Variants in PRKAR1B observed in about 807,000 individuals in gnomAD.
PRKAR1B encodes protein kinase cAMP-dependent type I regulatory subunit beta, also known as cAMP-dependent protein kinase type I-beta regulatory subunit.
PRKAR1B carries 22 observed loss-of-function variants against 46.5 expected under a neutral mutation model. That is an observed-to-expected ratio of 0.47 (90% CI 0.34 to 0.68). The LOEUF is 0.68. PRKAR1B is among the 30% of genes least tolerant of loss of function. The pLI is 0.01. For synonymous variants in PRKAR1B, 259 were observed against 217.7 expected (o/e 1.19, Z -1.67); for missense variants, 445 against 535.6 (o/e 0.83, Z 1.67).
intron 4 of PRKAR1B, among the ~76,000 whole-genome samples, chr7:642,704 G>T (rs1021209474): frequency 2.0e-5 from 3 of 149,054 alleles, no homozygotes; most frequent in African/African-American, 7.5e-5. Flanking sequence ...CTGCACTCCA[G>T]CCTGGGCGAC....
At chr7:683,833 C>T (rs958618101) in intron 2 of PRKAR1B, among the ~76,000 whole-genome samples, 1 of 152,248 alleles carries the variant, frequency 6.6e-6, no homozygotes, top group Non-Finnish European at 1.5e-5. Context: ...ATCCCACCCG[C>T]TCCTCACCCA....
intron 6 of PRKAR1B, among the ~76,000 whole-genome samples, chr7:600,472 G>A (rs1021190491): frequency 6.6e-5 from 10 of 152,214 alleles, no homozygotes; most frequent in Admixed American, 2.6e-4. Flanking sequence ...CAGCCTGGGC[G>A]ACAGAGCGAG....
intron 4 of PRKAR1B, among the ~76,000 whole-genome samples, chr7:622,652 G>A (rs560319821): frequency 6.6e-6 from 1 of 152,154 alleles, no homozygotes; most frequent in Non-Finnish European, 1.5e-5. Context: ...TGATGTCAAA[G>A]AGCAGAACAC....
intron 2 of PRKAR1B, among the ~76,000 whole-genome samples, chr7:690,302 A>C (rs929250501): frequency 6.6e-6 from 1 of 151,560 alleles, no homozygotes; most frequent in African/African-American, 2.4e-5. Context: ...TCTCAAAAAA[A>C]AAAAGAGCTG....
intron 9 of PRKAR1B, among the ~76,000 whole-genome samples, chr7:564,621 A>G (rs1158492250): frequency 1.3e-5 from 2 of 152,190 alleles, no homozygotes; most frequent in East Asian, 3.9e-4. Flanking sequence ...CTCAGCCTGG[A>G]GGGCATTCCT....
chr7:637,763 G>A (rs1036048464), intron 4 of PRKAR1B, among the ~76,000 whole-genome samples: 2 of 152,058 alleles, frequency 1.3e-5, no homozygotes, highest in African/African-American at 4.8e-5. Context: ...TGAACCTGAG[G>A]TGGAGGTTGC....
chr7:616,756 C>G (rs1782843322), intron 4 of PRKAR1B, among the ~76,000 whole-genome samples: 1 of 152,192 alleles, frequency 6.6e-6, no homozygotes, highest in Non-Finnish European at 1.5e-5. Flanking sequence ...CCCGCGGCAT[C>G]GATGTTTTCA....
At chr7:586,618 T>C (rs917537432) in intron 7 of PRKAR1B, among the ~76,000 whole-genome samples, 2 of 152,198 alleles carry the variant, frequency 1.3e-5, no homozygotes, top group African/African-American at 4.8e-5. Context: ...GCTTCCTCCA[T>C]GACCCACAGG....
At chr7:588,134 C>T (rs1780704689) in intron 7 of PRKAR1B, among the ~76,000 whole-genome samples, 1 of 152,222 alleles carries the variant, frequency 6.6e-6, no homozygotes, top group African/African-American at 2.4e-5. Context: ...CACCAAGCTT[C>T]CCACTCACAG....
intron 9 of PRKAR1B, 107 bp from the exon 10 acceptor site, chr7:551,577 A>T: frequency 9.6e-7 from 1 of 1,037,402 alleles, no homozygotes; most frequent in Non-Finnish European, 1.4e-6. Context: ...CCCACCTCCC[A>T]CCCAGGTCCT....
intron 2 of PRKAR1B, among the ~76,000 whole-genome samples, chr7:710,512 G>A (rs73047952): frequency 0.11 from 17,447 of 152,168 alleles, 1,303 homozygotes; most frequent in Middle Eastern, 0.2. Context: ...AGAGAAGACC[G>A]TGAGCAGGCC....
chr7:694,485 G>A (rs1779615578), intron 2 of PRKAR1B, among the ~76,000 whole-genome samples: 1 of 152,094 alleles, frequency 6.6e-6, no homozygotes, highest in Non-Finnish European at 1.5e-5. Flanking sequence ...TTGCCAAGGA[G>A]AGAAGGATGT....
At chr7:628,176 C>T (rs559962676) in intron 4 of PRKAR1B, among the ~76,000 whole-genome samples, 1 of 152,254 alleles carries the variant, frequency 6.6e-6, no homozygotes, top group African/African-American at 2.4e-5. Flanking sequence ...GGGCAGCAAA[C>T]AGGTTTTGCT....
At chr7:628,159 A>AC (rs917958869) in intron 4 of PRKAR1B, among the ~76,000 whole-genome samples, 3 of 152,240 alleles carry the variant, frequency 2.0e-5, no homozygotes, top group African/African-American at 7.2e-5. Context: ...CACATCAGGC[A>AC]CCCCTGGGGC....
At chr7:699,642 A>G (rs1468929605) in intron 2 of PRKAR1B, among the ~76,000 whole-genome samples, 4 of 152,124 alleles carry the variant, frequency 2.6e-5, no homozygotes, top group African/African-American at 9.7e-5. Flanking sequence ...TCTCTGAGGA[A>G]GCAGCCGTGG....
Position 549,852 on chromosome 7 carries a change from G to C in PRKAR1B, c.*578C>G, listed in dbSNP as rs141814354. The C allele has an allele frequency of 6.4e-6, 1 of 155,680 alleles. No individual in the cohort carries two copies. Among genetic ancestry groups the C allele is most frequent in the Non-Finnish European group, 1.4e-5 (1 of 70,014 alleles). The allele number at this position is 155,680 out of a possible 1,614,324, so 9.6% of individuals were successfully genotyped here. A position where few individuals can be genotyped will look rare whatever the true frequency, so the allele number is the denominator to read the frequency against. On this transcript the variant is annotated 3_prime_UTR_variant, in exon 11 of 11. Transcript: ENST00000537384. ...ACAGCTCAGAGACTCTCCCACTCCG[G>C]CATCCGCAGCAGGGCCCCCGGGGGA...
intron 4 of PRKAR1B, among the ~76,000 whole-genome samples, chr7:626,951 T>C (rs1783436963): frequency 1.3e-5 from 2 of 152,170 alleles, no homozygotes; most frequent in Non-Finnish European, 2.9e-5. Flanking sequence ...CTCGGCTCAC[T>C]GCAAGCTCCG....
intron 6 of PRKAR1B, among the ~76,000 whole-genome samples, chr7:604,836 C>G (rs1464874889): frequency 6.6e-6 from 1 of 152,112 alleles, no homozygotes; most frequent in Non-Finnish European, 1.5e-5. Flanking sequence ...AGGCCACCTC[C>G]TGGGGCAGGT....
Position 602,963 on chromosome 7 carries a change from C to T in PRKAR1B, c.549+3230G>A, listed in dbSNP as rs1318392348. 2.0e-5 allele frequency among the ~76,000 whole-genome samples: 3 copies of T among 152,286 alleles called. No individual in the cohort carries two copies. The highest frequency in any genetic ancestry group is 2.9e-5 in the Non-Finnish European group (2 of 68,024). On this transcript the variant is annotated intron_variant, in intron 6 of 10. Coordinates refer to ENST00000537384, the MANE Select transcript of PRKAR1B (RefSeq NM_001164760.2). The surrounding 1 kb of genome is among the most constrained non-coding windows in gnomAD (Gnocchi z 6.4). Reference sequence around the variant, plus strand: ...CCCGTCCACCACCCTCCTCGAGACACGACAAGTTAGGCGGGAACATAACCT... The same window carrying T: ...CCCGTCCACCACCCTCCTCGAGACATGACAAGTTAGGCGGGAACATAACCT...
Sources: allele counts gnomAD v4.1 joint callset (sites outside exome capture counted in the v4.1 genomes callset), GRCh38; gene constraint gnomAD v4.1.1; non-coding constraint Gnocchi (gnomAD v3.1); transcripts MANE v1.5; gene names NCBI Gene and HGNC (gene_info 2026-07-23, HGNC 2026-07-21).